EPHA6: variants seen among roughly 807,000 people sequenced by gnomAD.
EPHA6 encodes EPH receptor A6.
Under a neutral mutation model 112.0 loss-of-function variants are expected in EPHA6, and 50 were observed. That is an observed-to-expected ratio of 0.45 (90% confidence interval 0.36 to 0.56). The LOEUF is 0.56. Ranked by LOEUF, EPHA6 falls within the 20% of genes least tolerant of loss-of-function variation. The pLI is 0.00. For synonymous variants in EPHA6, 529 were observed against 490.7 expected (o/e 1.08, Z -1.03); for missense variants, 1,280 against 1,417.4 (o/e 0.90, Z 1.56).
chr3:97,366,265 T>A (rs2084720690), intron 5 of EPHA6, among the ~76,000 whole-genome samples: 1 of 152,334 alleles, frequency 6.6e-6, no homozygotes, highest in East Asian at 1.9e-4. Flanking sequence ...TCTTGTATAC[T>A]AATAAAAGCA....
At chr3:97,018,153 C>T (rs945486585) in intron 3 of EPHA6, among the ~76,000 whole-genome samples, 3 of 151,736 alleles carry the variant, frequency 2.0e-5, no homozygotes, top group Admixed American at 1.3e-4. Context: ...TTACTTCAAT[C>T]TACTTGTTAA....
chr3:97,060,793 A>T lies in EPHA6; in HGVS notation c.1114+72800A>T, dbSNP rs796361750. 7.3e-5 allele frequency among the ~76,000 whole-genome samples: 11 copies of T among 151,582 alleles called. No homozygotes were observed. In the South Asian group the frequency reaches 2.3e-3, roughly 32 times the overall value. The stretch of plus-strand genomic sequence containing the variant: ...ATAATAATTAGCCGGGCGTAGTGGC[A>T]GGCGCCTGTAGTCCCAGCTACTCCG... On this transcript the variant is annotated intron_variant, in intron 3 of 17. Coordinates refer to ENST00000389672, the MANE Select transcript of EPHA6 (RefSeq NM_001080448.3).
At chr3:97,666,580 T>C (rs751556925) in intron 14 of EPHA6, among the ~76,000 whole-genome samples, 1 of 152,230 alleles carries the variant, frequency 6.6e-6, no homozygotes, top group Non-Finnish European at 1.5e-5. Flanking sequence ...CATTCTCCTG[T>C]GTGCATGTCT....
At chr3:97,030,439 T>C (rs1015047164) in intron 3 of EPHA6, among the ~76,000 whole-genome samples, 4 of 152,072 alleles carry the variant, frequency 2.6e-5, no homozygotes, top group African/African-American at 7.2e-5. Flanking sequence ...TGTCTTGCCG[T>C]CATCCAGAGT....
intron 5 of EPHA6, among the ~76,000 whole-genome samples, chr3:97,298,011 C>T (rs186125046): frequency 2.0e-5 from 3 of 152,264 alleles, no homozygotes; most frequent in East Asian, 1.9e-4. Flanking sequence ...GTCTGCCCAC[C>T]TCATCCTCCC....
intron 5 of EPHA6, among the ~76,000 whole-genome samples, chr3:97,362,693 TA>T (rs2084441484): frequency 6.6e-6 from 1 of 152,044 alleles, no homozygotes; most frequent in South Asian, 2.1e-4. Flanking sequence ...CCCTGTGGGT[TA>T]ATTGAATCCA....
rs184830004 is a variant in EPHA6, at chr3:97,343,903, A to G, written c.1607-61247A>G. ...CCCATAAGACCAAGCATTGAGAGAC[A>G]AAGAGGATTGTTCTTGAGCCTTAAA... On this transcript the variant is annotated intron_variant, in intron 5 of 17. Coordinates refer to ENST00000389672, the MANE Select transcript of EPHA6 (RefSeq NM_001080448.3). Among the ~76,000 whole-genome samples, 25 of 152,266 alleles carry G rather than the reference A, an allele frequency of 1.6e-4. No individual in the cohort carries two copies. In the East Asian group the frequency reaches 4.8e-3, roughly 30 times the overall value.
At chr3:97,363,652 G>A (rs2084533600) in intron 5 of EPHA6, among the ~76,000 whole-genome samples, 1 of 151,822 alleles carries the variant, frequency 6.6e-6, no homozygotes, top group Non-Finnish European at 1.5e-5. Flanking sequence ...TCCACTTCTA[G>A]ATATATACCC....
chr3:97,673,649 C>T (rs2031076293), intron 14 of EPHA6, among the ~76,000 whole-genome samples: 1 of 152,094 alleles, frequency 6.6e-6, no homozygotes, highest in Non-Finnish European at 1.5e-5. Flanking sequence ...CAAAAGAAGC[C>T]CTCTCTATCA....
chr3:97,688,588 G>A (rs535111895), intron 14 of EPHA6, among the ~76,000 whole-genome samples: 2 of 105,658 alleles, frequency 1.9e-5, no homozygotes, highest in East Asian at 7.0e-4. Flanking sequence ...GGTGGGGGGA[G>A]GGGGGAGGGA....
chr3:97,633,716 C>T (rs2093922987), intron 13 of EPHA6, among the ~76,000 whole-genome samples: 1 of 152,066 alleles, frequency 6.6e-6, no homozygotes, highest in South Asian at 2.1e-4. Flanking sequence ...TTATTTAATT[C>T]TGTCACCATT....
intron 3 of EPHA6, among the ~76,000 whole-genome samples, chr3:97,108,818 T>G (rs1389614219): frequency 6.6e-6 from 1 of 152,162 alleles, no homozygotes; most frequent in Non-Finnish European, 1.5e-5. Context: ...TATTGAGAAT[T>G]TTCAGGTGTT....
At chr3:97,008,355 G>C (rs2043961650) in intron 3 of EPHA6, among the ~76,000 whole-genome samples, 1 of 152,060 alleles carries the variant, frequency 6.6e-6, no homozygotes, top group Admixed American at 6.5e-5. Flanking sequence ...TCAGTAAGGT[G>C]GTCTTCAAAC....
chr3:97,545,591 C>A (rs183744490), intron 11 of EPHA6, among the ~76,000 whole-genome samples: 21 of 152,298 alleles, frequency 1.4e-4, no homozygotes, highest in African/African-American at 4.8e-4. Context: ...CCACTTGGTG[C>A]AGAGCTGAGT....
At chr3:97,032,847 G>A (rs560009235) in intron 3 of EPHA6, among the ~76,000 whole-genome samples, 4 of 151,878 alleles carry the variant, frequency 2.6e-5, no homozygotes, top group Admixed American at 1.3e-4. Flanking sequence ...CGGCTGAATC[G>A]CAATATAAGA....
At chr3:96,893,140 G>A (rs983012342) in intron 2 of EPHA6, among the ~76,000 whole-genome samples, 2 of 151,994 alleles carry the variant, frequency 1.3e-5, no homozygotes, top group African/African-American at 4.8e-5. Context: ...CTGTATTTGT[G>A]GTGATGCTGA....
chr3:97,551,829 G>A (rs577507608), intron 11 of EPHA6, among the ~76,000 whole-genome samples: 1 of 152,096 alleles, frequency 6.6e-6, no homozygotes, highest in African/African-American at 2.4e-5. Flanking sequence ...ACATTCTCTG[G>A]GGAATACAAG....
intron 3 of EPHA6, among the ~76,000 whole-genome samples, chr3:97,210,506 A>G (rs2077839221): frequency 6.6e-6 from 1 of 152,142 alleles, no homozygotes; most frequent in Non-Finnish European, 1.5e-5. Context: ...GATTTGGGTG[A>G]GGACACGGAG....
At chr3:97,348,191 T>G (rs1419316410) in intron 5 of EPHA6, among the ~76,000 whole-genome samples, 1 of 152,054 alleles carries the variant, frequency 6.6e-6, no homozygotes, top group Admixed American at 6.6e-5. Flanking sequence ...ATAGGCTAAG[T>G]ATTATGTTTC....
Sources: gnomAD v4.1 joint callset for allele counts (sites outside exome capture counted in the v4.1 genomes callset) on GRCh38, gnomAD v4.1.1 for gene constraint, MANE v1.5 for transcripts, NCBI Gene and HGNC (gene_info 2026-07-23, HGNC 2026-07-21) for gene names.